The following BCAT1 variants were observed in gnomAD, a reference collection of about 807,000 sequenced individuals.
The protein encoded by BCAT1 is branched chain amino acid transaminase 1, also known as branched-chain-amino-acid aminotransferase, cytosolic.
Under a neutral mutation model 52.4 loss-of-function variants are expected in BCAT1, and 48 were observed. The observed-to-expected ratio is 0.92, with a 90% CI of 0.73 to 1.16. The LOEUF (loss-of-function observed/expected upper bound fraction) is 1.16, where lower values mean the gene tolerates loss of function less well. Ranked by LOEUF, BCAT1 falls within the 50% of genes most tolerant of loss-of-function variation. The pLI, the probability that BCAT1 is intolerant of heterozygous loss-of-function variation, is 0.00. For missense variants in BCAT1, 451 were observed against 457.1 expected (o/e 0.99, Z 0.12); for synonymous variants, 167 against 161.3 (o/e 1.04, Z -0.27).
At chr12:24,914,525 A>T (rs1337987000) in intron 1 of BCAT1, among the ~76,000 whole-genome samples, 1 of 152,230 alleles carries the variant, frequency 6.6e-6, no homozygotes, top group Non-Finnish European at 1.5e-5. Context: ...AAGCAATCAG[A>T]TGTTTAATAA....
At chr12:24,941,705 C>T (rs563012556) in intron 1 of BCAT1, among the ~76,000 whole-genome samples, 2 of 152,290 alleles carry the variant, frequency 1.3e-5, no homozygotes, top group South Asian at 4.1e-4. Flanking sequence ...GTAAAAAGCA[C>T]AGTCGAATTA....
intron 3 of BCAT1, among the ~76,000 whole-genome samples, chr12:24,881,786 G>C (rs965712753): frequency 6.6e-6 from 1 of 152,186 alleles, no homozygotes; most frequent in Non-Finnish European, 1.5e-5. Flanking sequence ...TTGTGGCACC[G>C]TGGCCCCCAA....
Position 24,889,864 on chromosome 12 carries a change from G to A in BCAT1, c.279+4411C>T, listed in dbSNP as rs78992071. The stretch of plus-strand genomic sequence containing the variant: ...TGAAATAAAATAAAAGACCCTCTCC[G>A]GTGAAGGTCCTGCCTCATACCCCAG... On this transcript the variant is annotated intron_variant, in intron 3 of 10. Transcript: ENST00000261192. Among the ~76,000 whole-genome samples the A allele has an allele frequency of 7.5e-3, 1,145 of 152,208 alleles. 9 individuals carry two copies. Among genetic ancestry groups the A allele is most frequent in the African/African-American group, 0.027 (1,105 of 41,502 alleles).
At chr12:24,901,911 A>G (rs1458132483) in intron 1 of BCAT1, 26 bp from the exon 2 acceptor site, 1 of 1,613,314 alleles carries the variant, frequency 6.2e-7, no homozygotes, top group Non-Finnish European at 8.5e-7. Flanking sequence ...AACCACCATT[A>G]AGTAAATGCA....
At chr12:24,841,763 G>A (rs1715973165) in intron 7 of BCAT1, among the ~76,000 whole-genome samples, 2 of 151,970 alleles carry the variant, frequency 1.3e-5, no homozygotes, top group South Asian at 4.1e-4. Flanking sequence ...ACAAAAATTA[G>A]CTGGGCATGG....
intron 5 of BCAT1, among the ~76,000 whole-genome samples, chr12:24,868,868 C>T (rs1168502689): frequency 6.6e-6 from 1 of 152,166 alleles, no homozygotes; most frequent in Non-Finnish European, 1.5e-5. Flanking sequence ...AAGCTAGCCA[C>T]AGACTGGGAA....
At chr12:24,845,765 T>C (rs1202050064) in intron 6 of BCAT1, among the ~76,000 whole-genome samples, 2 of 152,262 alleles carry the variant, frequency 1.3e-5, no homozygotes, top group East Asian at 3.9e-4. Context: ...TTTTAAAAAA[T>C]AACTATTTCA....
At chr12:24,854,179 G>A (rs1400841580) in intron 5 of BCAT1, among the ~76,000 whole-genome samples, 1 of 152,156 alleles carries the variant, frequency 6.6e-6, no homozygotes, top group Non-Finnish European at 1.5e-5. Flanking sequence ...TTATCAAAAG[G>A]CAGGATTTCA....
chr12:24,910,756 C>T (rs1307298515), intron 1 of BCAT1, among the ~76,000 whole-genome samples: 4 of 152,042 alleles, frequency 2.6e-5, no homozygotes, highest in South Asian at 2.1e-4. Flanking sequence ...TTGTCAGTTC[C>T]GATGAAATCA....
intron 5 of BCAT1, among the ~76,000 whole-genome samples, chr12:24,855,927 C>A (rs78416503): frequency 0.01 from 1,523 of 152,216 alleles, 26 homozygotes; most frequent in African/African-American, 0.034. Context: ...CACACCTGGC[C>A]TGCTGATCCC....
chr12:24,870,039 T>C (rs1342080915), intron 5 of BCAT1, among the ~76,000 whole-genome samples: 2 of 151,706 alleles, frequency 1.3e-5, no homozygotes, highest in African/African-American at 4.8e-5. Context: ...TCTGAAAGGG[T>C]ATAAGAAAAG....
At chr12:24,898,201 G>A (rs764456907) in intron 2 of BCAT1, among the ~76,000 whole-genome samples, 1 of 152,036 alleles carries the variant, frequency 6.6e-6, no homozygotes, top group Non-Finnish European at 1.5e-5. Context: ...CCTTTCCAAA[G>A]ATAAATAAAA....
At chr12:24,846,652 A>G (rs1193075756) in intron 6 of BCAT1, among the ~76,000 whole-genome samples, 2 of 152,236 alleles carry the variant, frequency 1.3e-5, no homozygotes, top group Admixed American at 6.5e-5. Flanking sequence ...AGAGTTTACT[A>G]CAGGTTGAGG....
chr12:24,836,386 T>A, intron 8 of BCAT1, 125 bp downstream of exon 8: 1 of 809,126 alleles, frequency 1.2e-6, no homozygotes, highest in Non-Finnish European at 1.9e-6. Flanking sequence ...TTCATTCACG[T>A]TAGAATTTAA....
intron 1 of BCAT1, among the ~76,000 whole-genome samples, chr12:24,919,208 T>C (rs1943465969): frequency 6.6e-6 from 1 of 152,234 alleles, no homozygotes. Flanking sequence ...AGATTTTAAA[T>C]ATGGCTATTT....
intron 8 of BCAT1, among the ~76,000 whole-genome samples, chr12:24,835,875 A>G (rs1479930172): frequency 6.6e-6 from 1 of 152,062 alleles, no homozygotes; most frequent in African/African-American, 2.4e-5. Flanking sequence ...ATAGGCATGA[A>G]CCACTGCACC....
intron 9 of BCAT1, chr12:24,830,221 G>C (rs1682344774): frequency 4.5e-6 from 1 of 223,098 alleles, no homozygotes. Context: ...TAAACTTAAA[G>C]AACCCTACCT....
At chr12:24,921,309 A>T (rs1411172451) in intron 1 of BCAT1, among the ~76,000 whole-genome samples, 1 of 152,192 alleles carries the variant, frequency 6.6e-6, no homozygotes, top group South Asian at 2.1e-4. Context: ...GACCACATAT[A>T]TGTATTTCAC....
At chr12:24,907,275 C>A (rs1943240448) in intron 1 of BCAT1, among the ~76,000 whole-genome samples, 1 of 152,218 alleles carries the variant, frequency 6.6e-6, no homozygotes, top group Non-Finnish European at 1.5e-5. Flanking sequence ...CCTGTCTAGG[C>A]TACAGTGGGT....
Sources: gnomAD v4.1 joint callset for allele counts (sites outside exome capture counted in the v4.1 genomes callset) on GRCh38, gnomAD v4.1.1 for gene constraint, MANE v1.5 for transcripts, NCBI Gene and HGNC (gene_info 2026-07-23, HGNC 2026-07-21) for gene names.